Variants in LRWD1 observed in about 807,000 individuals in gnomAD.
LRWD1 encodes leucine rich repeats and WD repeat domain containing 1.
A neutral mutation model predicts 75.6 loss-of-function variants in LRWD1; 76 were observed. That is an observed-to-expected ratio of 1.01 (90% CI 0.84 to 1.22). The LOEUF is 1.22. Ranked by LOEUF, LRWD1 falls within the 50% of genes most tolerant of loss-of-function variation. The pLI is 0.00. For missense variants in LRWD1, 917 were observed against 862.0 expected, an observed-to-expected ratio of 1.06 and a Z score of -0.80; for synonymous variants, 487 against 377.0, an observed-to-expected ratio of 1.29 and a Z score of -3.38.
At chr7:102,467,072 T>G (rs1167106073) in intron 3 of LRWD1, among the ~76,000 whole-genome samples, 6 of 29,520 alleles carry the variant, frequency 2.0e-4, no homozygotes, top group East Asian at 1.6e-3. Context: ...TTGTTGCTGG[T>G]GTGTGTGTGT....
At chr7:102,471,642 G>A (rs1798190158) in intron 11 of LRWD1, 1 of 158,616 alleles carries the variant, frequency 6.3e-6, no homozygotes, top group Non-Finnish European at 1.4e-5. Context: ...CCTGGCTCCA[G>A]GCTAGCCTCC....
intron 11 of LRWD1, chr7:102,470,233 G>A (rs1798146027): frequency 9.2e-6 from 2 of 217,054 alleles, no homozygotes; most frequent in Non-Finnish European, 1.8e-5. Context: ...AGGGGCCGAT[G>A]GCTAGCGGAG....
Position 102,467,790 on chromosome 7 carries a change from G to A in LRWD1, c.645G>A (p.Lys215=), listed in dbSNP as rs1315508305. ...TGCAAAAGGCTAACAGCCCAGAGAA[G>A]CCCCCAGAAGCTGGAGCTGCCCACA... ...TQVQKANSPE[K]PPEAGAAHKP... The change falls in exon 5 of 15, where the codon AAG becomes AAA. Residue 215 remains lysine (K), a synonymous_variant. Coordinates refer to ENST00000292616, the MANE Select transcript of LRWD1 (RefSeq NM_152892.3). 2 of 1,551,148 alleles carry A rather than the reference G, an allele frequency of 1.3e-6. No homozygotes were observed. The highest frequency in any genetic ancestry group is 2.0e-5 in the Admixed American group (1 of 51,036).
At chr7:102,470,017 G>C in intron 11 of LRWD1, 135 bp downstream of exon 11, 1 of 1,127,192 alleles carries the variant, frequency 8.9e-7, no homozygotes, top group South Asian at 1.8e-5. Context: ...CGCAGAGCTG[G>C]CTTGTCCCAC....
chr7:102,469,952 C>T, intron 11 of LRWD1, 70 bp downstream of exon 11: 3 of 1,430,236 alleles, frequency 2.1e-6, no homozygotes, highest in Non-Finnish European at 2.7e-6. Context: ...CAGATGGGCT[C>T]ACAGCAGCCT....
chr7:102,466,271 G>A lies in LRWD1; in HGVS notation c.432+1G>A. 2 of 1,609,830 alleles carry A rather than the reference G, an allele frequency of 1.2e-6. No individual in the cohort carries two copies. The highest frequency in any genetic ancestry group is 8.5e-7 in the Non-Finnish European group (1 of 1,176,228). On this transcript the variant is annotated splice_donor_variant, in intron 3 of 14. Transcript: ENST00000292616. LOFTEE classifies it high-confidence loss of function. ...CCTGAATCGGGAGCTGACCAGCAGG[G>A]TAAGGGGATGAGAGGATTATTGTGT...
In LRWD1 at chr7:102,473,061, C is replaced by T. The variant is rs375482672; in HGVS notation, c.*12C>T. On this transcript the variant is annotated 3_prime_UTR_variant, in exon 15 of 15. Coordinates refer to ENST00000292616, the MANE Select transcript of LRWD1 (RefSeq NM_152892.3). ...GGGGGAGGATGTAGCCTCACACCAT[C>T]GCAAAGGACCAGGGACACAGCTAAC... 67 of 1,606,732 alleles carry T rather than the reference C, an allele frequency of 4.2e-5. No individual in the cohort carries two copies. Among genetic ancestry groups the T allele is most frequent in the Non-Finnish European group, 5.1e-5 (60 of 1,175,476 alleles).
chr7:102,465,069 C>T lies in LRWD1; in HGVS notation c.-12C>T, dbSNP rs192443701. The T allele has an allele frequency of 3.1e-3, 4,628 of 1,479,542 alleles. 122 individuals carry two copies. In the African/African-American group the frequency reaches 0.057, roughly 18 times the overall value. 91.7% of individuals were successfully genotyped at this position (1,479,542 alleles called of 1,614,324 possible). ...TGGCCGACTGGGTCAGCGCGGGCTG[C>T]GCCTCCTCGCCATGGGCCCCCTCTC... On this transcript the variant is annotated 5_prime_UTR_variant, in exon 1 of 15. Transcript: ENST00000292616.
rs1237541859 is a variant in LRWD1 at position 102,472,209 on chromosome 7, G to T, written c.1443-9G>T. On this transcript the variant is annotated splice_polypyrimidine_tract_variant and intron_variant, in intron 11 of 14. Coordinates refer to ENST00000292616, the MANE Select transcript of LRWD1 (RefSeq NM_152892.3). Reference sequence around the variant, plus strand: ...GAATGGCCAACTAGCATCTCGTGCTGCCCCACAGGGTGTGTGAAGTGGAAT... The same window carrying T: ...GAATGGCCAACTAGCATCTCGTGCTTCCCCACAGGGTGTGTGAAGTGGAAT... The T allele has an allele frequency of 6.3e-7, 1 of 1,583,640 alleles. No homozygotes were observed. The highest frequency in any genetic ancestry group is 2.3e-5 in the East Asian group (1 of 43,788).
In LRWD1 at chr7:102,468,281, C is replaced by T. The variant is rs750754791; in HGVS notation, c.823C>T (p.Pro275Ser). ...DGSQPAVKLE[P>S]LHFLQCHSKN... The stretch of plus-strand genomic sequence containing the variant: ...CCCACAGCCTGCTGTGAAGCTGGAG[C>T]CCCTGCACTTCCTGCAGTGCCACAG... Residue 275 changes from proline to serine, a missense_variant, in exon 7 of 15, where the codon CCC (proline) becomes TCC (serine). Transcript: ENST00000292616. The T allele has an allele frequency of 1.2e-6, 2 of 1,609,964 alleles. No homozygotes were observed. The highest frequency in any genetic ancestry group is 1.3e-5 in the African/African-American group (1 of 74,928).
In LRWD1 at chr7:102,472,816, C is replaced by T. The variant is rs895903435; in HGVS notation, c.1803+12C>T. 3 of 1,613,000 alleles carry T rather than the reference C, an allele frequency of 1.9e-6. No homozygotes were observed. The Admixed American group carries it at 5.0e-5, about 27-fold the overall frequency. ...AGGCCCCCACACAGGTACTGCCCGG[C>T]TCACCCTGCCCAGGCTTGGGCTGGC... On this transcript the variant is annotated intron_variant, in intron 14 of 14. Transcript: ENST00000292616.
chr7:102,472,766 C>G lies in LRWD1; in HGVS notation c.1765C>G (p.Pro589Ala). 1.9e-6 allele frequency: 3 copies of G among 1,613,474 alleles called. No individual in the cohort carries two copies. Among genetic ancestry groups the G allele is most frequent in the Non-Finnish European group, 2.5e-6 (3 of 1,179,968 alleles). The change falls in exon 14 of 15, where the codon CCA becomes GCA. Residue 589 changes from proline to alanine, a missense_variant. By Grantham distance (27) the Pro-to-Ala change is conservative. Coordinates refer to ENST00000292616, the MANE Select transcript of LRWD1 (RefSeq NM_152892.3). Reference sequence around the variant, plus strand: ...CGACGTCAGCAACATCCTGAAGCAGCCACCCCTGCTGCCGGCAGCCCTGCA... The same window carrying G: ...CGACGTCAGCAACATCCTGAAGCAGGCACCCCTGCTGCCGGCAGCCCTGCA... ...LYDVSNILKQ[P>A]PLLPAALQAP... is the part of the protein sequence containing the mutation.
intron 3 of LRWD1, 55 bp downstream of exon 3, chr7:102,466,325 A>G: frequency 7.0e-7 from 1 of 1,428,574 alleles, no homozygotes; most frequent in Non-Finnish European, 9.9e-7. Context: ...CATTGGGAGA[A>G]TGATAGAATT....
Position 102,468,064 on chromosome 7 carries a change from C to T in LRWD1, c.681C>T (p.Ala227=). 4 of 1,607,962 alleles carry T rather than the reference C, an allele frequency of 2.5e-6. No individual in the cohort carries two copies. In the South Asian group the frequency reaches 4.4e-5, roughly 18 times the overall value. Residue 227 remains alanine, a splice_region_variant and synonymous_variant, in exon 6 of 15, where the codon GCC becomes GCT. Coordinates refer to ENST00000292616, the MANE Select transcript of LRWD1 (RefSeq NM_152892.3). ...TGGTCACAAGGCCCCCTCCACAGGC[C>T]AGACTGGCGGCCTTGAAACGGCCAG... ...PEAGAAHKPR[A]RLAALKRPDD...
intron 13 of LRWD1, 34 bp from the exon 14 acceptor site, chr7:102,472,658 T>C: frequency 1.2e-6 from 2 of 1,612,364 alleles, no homozygotes; most frequent in Non-Finnish European, 1.7e-6. Flanking sequence ...CCGGGAGCTC[T>C]GCCCCCACTC....
At position 102,469,857 on chromosome 7, in the gene LRWD1, C is replaced by A; in HGVS notation, c.1417C>A (p.Arg473=). The change falls in exon 11 of 15, where the codon CGG becomes AGG. Residue 473 remains arginine (R), a synonymous_variant. Coordinates refer to ENST00000292616, the MANE Select transcript of LRWD1 (RefSeq NM_152892.3). ...GGGCGGCTGCTGCTGCTGGGACGTG[C>A]GGCTGGACCAGCCCCAAAAGAGGAG... ...CEGGCCCWDV[R]LDQPQKRRVC... is the part of the protein sequence containing the mutation. 1 of 1,589,162 alleles carries A rather than the reference C, an allele frequency of 6.3e-7. No homozygotes were observed.
intron 4 of LRWD1, 40 bp downstream of exon 4, chr7:102,467,519 C>T (rs1304707210): frequency 1.2e-6 from 2 of 1,604,802 alleles, no homozygotes; most frequent in Admixed American, 3.3e-5. Context: ...CACTGGCTCT[C>T]GTATCTCTAG....
At chr7:102,466,126 C>A (rs765276237) in intron 2 of LRWD1, 28 bp from the exon 3 acceptor site, 2 of 1,612,194 alleles carry the variant, frequency 1.2e-6, no homozygotes, top group Non-Finnish European at 1.7e-6. Flanking sequence ...ATCTCCTGAG[C>A]CACTGCTCTT....
chr7:102,466,098 G>T (rs1386169486), intron 2 of LRWD1, 47 bp downstream of exon 2: 4 of 1,612,708 alleles, frequency 2.5e-6, no homozygotes, highest in Non-Finnish European at 3.4e-6. Context: ...CCAGGACTCT[G>T]TTGGGCTCAG....
Sources: gnomAD v4.1 joint callset for allele counts (sites outside exome capture counted in the v4.1 genomes callset) on GRCh38, gnomAD v4.1.1 for gene constraint, MANE v1.5 for transcripts, NCBI Gene and HGNC (gene_info 2026-07-23, HGNC 2026-07-21) for gene names.